Variants in ITPRID1 observed in about 807,000 individuals in gnomAD.
ITPRID1 encodes ITPR interacting domain containing 1.
In ITPRID1, 96 loss-of-function variants were observed where a neutral mutation model predicts 95.4. That is an observed-to-expected ratio of 1.01 (90% CI 0.85 to 1.19). ITPRID1 has a LOEUF of 1.19. Ranked by LOEUF, ITPRID1 falls within the 50% of genes most tolerant of loss-of-function variation. The probability of loss-of-function intolerance (pLI) is 0.00; values close to 1 mark genes in which losing one functional copy is unlikely to be tolerated. For synonymous variants in ITPRID1, 510 were observed against 453.6 expected (o/e 1.12, Z -1.58); for missense variants, 1,339 against 1,252.9 (o/e 1.07, Z -1.04).
chr7:31,610,143 T>C (rs1245210660), intron 10 of ITPRID1, among the ~76,000 whole-genome samples: 2 of 151,676 alleles, frequency 1.3e-5, no homozygotes, highest in South Asian at 2.1e-4. Context: ...TGTTATTTTG[T>C]ATGATTTCAA....
intron 1 of ITPRID1, among the ~76,000 whole-genome samples, chr7:31,526,650 G>C (rs908778044): frequency 5.3e-5 from 8 of 152,034 alleles, no homozygotes; most frequent in African/African-American, 1.7e-4. Context: ...TAGATGAAAT[G>C]GTATTGACCA....
At chr7:31,555,055 T>C in intron 5 of ITPRID1, 154 bp downstream of exon 5, 1 of 612,740 alleles carries the variant, frequency 1.6e-6, no homozygotes, top group East Asian at 2.9e-5. Flanking sequence ...TCATTTGACA[T>C]ATGACTGCGA....
At chr7:31,619,973 C>T (rs968711933) in intron 10 of ITPRID1, among the ~76,000 whole-genome samples, 28 of 152,182 alleles carry the variant, frequency 1.8e-4, no homozygotes, top group Non-Finnish European at 3.4e-4. Context: ...CCTGGCTTGG[C>T]GGGTCCTACG....
rs1224431436 is a variant in ITPRID1 at position 31,521,709 on chromosome 7, CCCTT to C, written c.-98+7603_-98+7606del. 4.2e-4 allele frequency among the ~76,000 whole-genome samples: 34 copies of C among 80,484 alleles called. 3 individuals are homozygous for C. Among genetic ancestry groups the C allele is most frequent in the African/African-American group, 1.1e-3 (21 of 19,696 alleles). The allele number at this position is 80,484 out of a possible 152,430, so 52.8% of individuals were successfully genotyped here. A position where few individuals can be genotyped will look rare whatever the true frequency, so the allele number is the denominator to read the frequency against. Reference sequence around the variant, plus strand: ...TTCCTCCTTTATTCCCTCCCTCCCTCCCTTCCTTCCTTCCTTCTTTCTTTCTTTT... The same window carrying C: ...TTCCTCCTTTATTCCCTCCCTCCCTCCCTTCCTTCCTTCTTTCTTTCTTTT... On this transcript the variant is annotated intron_variant, in intron 1 of 14. Transcript: ENST00000615280.
chr7:31,578,147 G>C lies in ITPRID1; in HGVS notation c.883G>C (p.Ala295Pro), dbSNP rs767822636. The change falls in exon 9 of 15, where the codon GCA (alanine) becomes CCA (proline). Residue 295 changes from alanine (A) to proline (P), a missense_variant. Coordinates refer to ENST00000615280, the MANE Select transcript of ITPRID1 (RefSeq NM_001257967.3). ...VPFTKPWDCG[A>P]ELAATSINHK... Reference sequence around the variant, plus strand: ...CTTTACAAAACCATGGGATTGTGGAGCAGAGCTAGCAGCAACCTCAATCAA... The same window carrying C: ...CTTTACAAAACCATGGGATTGTGGACCAGAGCTAGCAGCAACCTCAATCAA... 4 of 1,613,744 alleles carry C rather than the reference G, an allele frequency of 2.5e-6. No individual in the cohort carries two copies. Among genetic ancestry groups the C allele is most frequent in the Non-Finnish European group, 3.4e-6 (4 of 1,179,796 alleles).
At chr7:31,563,129 C>T (rs1784680360) in intron 5 of ITPRID1, among the ~76,000 whole-genome samples, 1 of 152,012 alleles carries the variant, frequency 6.6e-6, no homozygotes, top group African/African-American at 2.4e-5. Context: ...GAAGTCTCCT[C>T]AAAAGAGGTG....
intron 1 of ITPRID1, among the ~76,000 whole-genome samples, chr7:31,540,664 G>A (rs944814417): frequency 1.3e-5 from 2 of 152,160 alleles, no homozygotes; most frequent in African/African-American, 2.4e-5. Context: ...TGGCTTTGAT[G>A]GAACTTTGTT....
intron 10 of ITPRID1, among the ~76,000 whole-genome samples, chr7:31,634,325 A>G (rs934166641): frequency 1.3e-5 from 2 of 152,256 alleles, no homozygotes; most frequent in African/African-American, 2.4e-5. Context: ...AGATTGAGTT[A>G]TAACAGATAA....
At chr7:31,519,620 C>CTCTCTCTCTCCATATATATATATATA in intron 1 of ITPRID1, among the ~76,000 whole-genome samples, 14 of 25,270 alleles carry the variant, frequency 5.5e-4, no homozygotes, top group South Asian at 4.1e-3. Flanking sequence ...CTCTCTCTCT[C>CTCTCTCTCTCCATATATATATATATA]TATATATATA....
At chr7:31,559,429 G>A (rs1370376105) in intron 5 of ITPRID1, among the ~76,000 whole-genome samples, 2 of 152,180 alleles carry the variant, frequency 1.3e-5, no homozygotes, top group Non-Finnish European at 2.9e-5. Flanking sequence ...GGGAAGTCAA[G>A]GTGGGCAGAT....
chr7:31,552,900 C>T, intron 2 of ITPRID1, 102 bp from the exon 3 acceptor site: 3 of 1,169,298 alleles, frequency 2.6e-6, no homozygotes, highest in East Asian at 2.6e-5. Flanking sequence ...CTGGATCATT[C>T]ATCTGACTGT....
intron 10 of ITPRID1, among the ~76,000 whole-genome samples, chr7:31,621,878 C>A (rs38349): frequency 0.25 from 38,100 of 151,590 alleles, 5,658 homozygotes; most frequent in Non-Finnish European, 0.33. Context: ...CATGCAGAGA[C>A]ACATAGGCTC....
intron 5 of ITPRID1, among the ~76,000 whole-genome samples, chr7:31,557,352 G>T (rs1032940819): frequency 2.0e-5 from 3 of 152,054 alleles, no homozygotes; most frequent in African/African-American, 7.2e-5. Context: ...AAGCATTCTA[G>T]TGAGTCTTCA....
At chr7:31,638,641 C>T (rs1351056387) in intron 10 of ITPRID1, among the ~76,000 whole-genome samples, 1 of 152,194 alleles carries the variant, frequency 6.6e-6, no homozygotes, top group Non-Finnish European at 1.5e-5. Flanking sequence ...TGTCTTCTTA[C>T]TTGGATTATT....
Position 31,578,176 on chromosome 7 carries a change from C to A in ITPRID1, c.912C>A (p.His304Gln). 1 of 1,613,780 alleles carries A rather than the reference C, an allele frequency of 6.2e-7. No individual in the cohort carries two copies. The highest frequency in any genetic ancestry group is 1.1e-5 in the South Asian group (1 of 91,058). The change falls in exon 9 of 15, where the codon CAC becomes CAA. Residue 304 changes from histidine to glutamine, a missense_variant. Coordinates refer to ENST00000615280, the MANE Select transcript of ITPRID1 (RefSeq NM_001257967.3). ...AGCTAGCAGCAACCTCAATCAACCA[C>A]AAGCAAAATCATTTGTCTCTGTCAG... is the stretch of plus-strand genomic sequence containing the variant. Reference protein sequence around the residue: ...GAELAATSINHKQNHLSLSVE... With the variant: ...GAELAATSINQKQNHLSLSVE...
At position 31,577,929 on chromosome 7, in the gene ITPRID1, T is replaced by A. The variant is rs1157080491; in HGVS notation, c.665T>A (p.Val222Asp). Residue 222 changes from valine to aspartate, a missense_variant, in exon 9 of 15, where the codon GTC becomes GAC. Coordinates refer to ENST00000615280, the MANE Select transcript of ITPRID1 (RefSeq NM_001257967.3). ...TNAFSSLLSD[V>D]SILPNRAEEK... is the part of the protein sequence containing the mutation. ...GCCTTCTCATCTCTGCTGAGTGATG[T>A]CAGCATCCTGCCAAACAGAGCTGAA... The A allele has an allele frequency of 6.2e-7, 1 of 1,613,684 alleles. No homozygotes were observed. The highest frequency in any genetic ancestry group is 1.3e-5 in the African/African-American group (1 of 75,058).
chr7:31,651,214 CA>C lies in ITPRID1; in HGVS notation c.2657del (p.Gln886ArgfsTer32). 6.2e-7 allele frequency: 1 copy of C among 1,613,630 alleles called. No homozygotes were observed. Among genetic ancestry groups the C allele is most frequent in the Non-Finnish European group, 8.5e-7 (1 of 1,179,650 alleles). On this transcript the variant is annotated frameshift_variant, in exon 13 of 15. Transcript: ENST00000615280. LOFTEE classifies it high-confidence loss of function. ...CCGGGAGTATTTAGAAGAAATTGAA[CA>C]GCACCTTATGGGACAGCAGGCCCTC... ...SFREYLEEIE[Q>X]HLMGQQALFS...
At chr7:31,614,606 T>C (rs2128166349) in intron 10 of ITPRID1, among the ~76,000 whole-genome samples, 1 of 152,296 alleles carries the variant, frequency 6.6e-6, no homozygotes, top group African/African-American at 2.4e-5. Flanking sequence ...CTGGTACGTA[T>C]GGATGCTCAG....
chr7:31,558,827 ACTTTT>A lies in ITPRID1; in HGVS notation c.256+3931_256+3935del, dbSNP rs542152440. 2.2e-4 allele frequency among the ~76,000 whole-genome samples: 33 copies of A among 152,268 alleles called. No individual in the cohort carries two copies. The South Asian group carries it at 5.4e-3, about 25-fold the overall frequency. ...TCAATTGTCATTAAGTTTATCTCTA[ACTTTT>A]CTTTACTTCTGTGAGCCAATTTTGG... On this transcript the variant is annotated intron_variant, in intron 5 of 14. Coordinates refer to ENST00000615280, the MANE Select transcript of ITPRID1 (RefSeq NM_001257967.3).
Sources: gnomAD v4.1 joint callset for allele counts (sites outside exome capture counted in the v4.1 genomes callset) on GRCh38, gnomAD v4.1.1 for gene constraint, MANE v1.5 for transcripts, NCBI Gene and HGNC (gene_info 2026-07-23, HGNC 2026-07-21) for gene names.